Variants in CS observed in about 807,000 individuals in gnomAD.
The protein encoded by CS is citrate synthase, also known as citrate synthase, mitochondrial.
A neutral mutation model predicts 61.4 loss-of-function variants in CS; 13 were observed. The observed-to-expected ratio is 0.21, with a 90% CI of 0.14 to 0.34. The LOEUF (loss-of-function observed/expected upper bound fraction) is 0.34. Ranked by LOEUF, CS falls within the 10% of genes least tolerant of loss-of-function variation. The pLI is 1.00. For missense variants in CS, 278 were observed against 573.4 expected, an observed-to-expected ratio of 0.48 and a Z score of 5.26; for synonymous variants, 159 against 215.2, an observed-to-expected ratio of 0.74 and a Z score of 2.29.
At chr12:56,290,028 G>A (rs1873067892) in intron 1 of CS, among the ~76,000 whole-genome samples, 1 of 150,500 alleles carries the variant, frequency 6.6e-6, no homozygotes, top group Non-Finnish European at 1.5e-5. Context: ...CGAGTAGCCA[G>A]GACTACACGC....
chr12:56,279,980 AAAAC>A (rs1006953845), intron 6 of CS, among the ~76,000 whole-genome samples: 18 of 151,636 alleles, frequency 1.2e-4, no homozygotes, highest in African/African-American at 3.4e-4. Context: ...AAAACAAAAC[AAAAC>A]AAACAAACAA....
chr12:56,280,596 T>G (rs1872753155), intron 6 of CS, among the ~76,000 whole-genome samples: 1 of 151,698 alleles, frequency 6.6e-6, no homozygotes, highest in Non-Finnish European at 1.5e-5. Flanking sequence ...CACTGCATCC[T>G]GGCCTGGGTG....
chr12:56,280,545 T>C (rs1410004225), intron 6 of CS, among the ~76,000 whole-genome samples: 1 of 151,864 alleles, frequency 6.6e-6, no homozygotes, highest in Non-Finnish European at 1.5e-5. Context: ...GAGGATCACT[T>C]GAGTCCAGGA....
intron 6 of CS, among the ~76,000 whole-genome samples, chr12:56,280,881 C>T (rs1452481575): frequency 7.9e-5 from 12 of 152,096 alleles, no homozygotes; most frequent in Non-Finnish European, 2.9e-5. Flanking sequence ...GTATATTTTG[C>T]ATCATTCTGA....
At chr12:56,297,198 C>T (rs1277661635) in intron 1 of CS, among the ~76,000 whole-genome samples, 1 of 152,180 alleles carries the variant, frequency 6.6e-6, no homozygotes, top group Non-Finnish European at 1.5e-5. Flanking sequence ...AGCATGTTGA[C>T]TTCAAAAGTC....
chr12:56,279,420 C>G (rs1240257049), intron 6 of CS, among the ~76,000 whole-genome samples: 3 of 152,108 alleles, frequency 2.0e-5, no homozygotes, highest in Non-Finnish European at 4.4e-5. Flanking sequence ...AGGCAGATCA[C>G]AAGGTCAGGA....
chr12:56,285,829 C>T, intron 3 of CS, 87 bp downstream of exon 3: 1 of 1,097,216 alleles, frequency 9.1e-7, no homozygotes, highest in Non-Finnish European at 1.4e-6. Flanking sequence ...GGACAGAATG[C>T]TTTTGAATAG....
chr12:56,289,421 T>C (rs1592412085), intron 1 of CS, among the ~76,000 whole-genome samples: 1 of 148,874 alleles, frequency 6.7e-6, no homozygotes, highest in South Asian at 2.3e-4. Flanking sequence ...TTTGCTGTGG[T>C]GATTTTTTTT....
Position 56,273,023 on chromosome 12 carries a change from A to C in CS, c.*61T>G, listed in dbSNP as rs1872551021. 4 of 1,343,200 alleles carry C rather than the reference A, an allele frequency of 3.0e-6. No homozygotes were observed. The highest frequency in any genetic ancestry group is 4.1e-6 in the Non-Finnish European group (4 of 974,268). 83.2% of individuals were successfully genotyped at this position (1,343,200 alleles called of 1,614,324 possible). A position where few individuals can be genotyped will look rare whatever the true frequency, so the allele number is the denominator to read the frequency against. ...GTCTTTAAAGGCCCCCTGAAACAAA[A>C]GTATACTTTTTATTTAGGCTTCCTC... On this transcript the variant is annotated 3_prime_UTR_variant, in exon 11 of 11. Coordinates refer to ENST00000351328, the MANE Select transcript of CS (RefSeq NM_004077.3).
At position 56,297,997 on chromosome 12, in the gene CS, C is replaced by G. The variant is rs958873100; in HGVS notation, c.42+2163G>C. Among the ~76,000 whole-genome samples the G allele has an allele frequency of 2.0e-5, 3 of 151,980 alleles. No individual in the cohort carries two copies. The East Asian group carries it at 5.8e-4, about 29-fold the overall frequency. On this transcript the variant is annotated intron_variant, in intron 1 of 10. Coordinates refer to ENST00000351328, the MANE Select transcript of CS (RefSeq NM_004077.3). ...CATTATTGGGCTTTGCTACCCCCCCCGCCCTTTTTTTTCTCTTTGAAACGG... is the reference window on the plus strand; with the variant it reads ...CATTATTGGGCTTTGCTACCCCCCCGGCCCTTTTTTTTCTCTTTGAAACGG...
chr12:56,291,234 A>G (rs1326537067), intron 1 of CS: 5 of 1,154,918 alleles, frequency 4.3e-6, no homozygotes, highest in Non-Finnish European at 5.4e-6. Flanking sequence ...AAGTGTCAGA[A>G]CTTCCTGGGA....
intron 6 of CS, among the ~76,000 whole-genome samples, chr12:56,278,975 A>C (rs71459358): frequency 6.6e-6 from 1 of 151,924 alleles, no homozygotes; most frequent in East Asian, 2.0e-4. Flanking sequence ...GGGTTTCGCC[A>C]TGTTGGCCAG....
Position 56,272,321 on chromosome 12 carries a change from C to T in CS, c.*763G>A, listed in dbSNP as rs1872537527. The T allele has an allele frequency of 5.9e-6, 1 of 169,106 alleles. No homozygotes were observed. The highest frequency in any genetic ancestry group is 1.3e-4 in the South Asian group (1 of 7,434). The allele number at this position is 169,106 out of a possible 1,614,324, so 10.5% of individuals were successfully genotyped here. A position where few individuals can be genotyped will look rare whatever the true frequency, so the allele number is the denominator to read the frequency against. ...TGATAAAACCCAATGACTGGGCCCA[C>T]AGATCTGTTGAGAGGTCTCTAGTAG... On this transcript the variant is annotated 3_prime_UTR_variant, in exon 11 of 11. Coordinates refer to ENST00000351328, the MANE Select transcript of CS (RefSeq NM_004077.3).
At chr12:56,280,359 G>A (rs1054517180) in intron 6 of CS, among the ~76,000 whole-genome samples, 2 of 146,504 alleles carry the variant, frequency 1.4e-5, no homozygotes, top group Admixed American at 7.2e-5. Context: ...AGGTTGCAGT[G>A]AGCTGAGATC....
intron 3 of CS, among the ~76,000 whole-genome samples, chr12:56,284,319 C>CAAAAAAAAAAACAAAAAAAAA (rs1872864730): frequency 1.4e-5 from 1 of 73,362 alleles, no homozygotes; most frequent in Non-Finnish European, 2.7e-5. Flanking sequence ...AACTCCATCT[C>CAAAAAAAAAAACAAAAAAAAA]AAAAAAAAAA....
In CS at chr12:56,300,220, T is replaced by C. The variant is rs1873447520; in HGVS notation, c.-19A>G. On this transcript the variant is annotated 5_prime_UTR_variant, in exon 1 of 11. Transcript: ENST00000351328. ...AAGCCATGGCGGGCGATCTCCGGGA[T>C]CTGGTGGGGAGGTAAGAAAGGGAGA... 4.5e-6 allele frequency: 7 copies of C among 1,555,946 alleles called. No homozygotes were observed. The East Asian group carries it at 1.5e-4, about 33-fold the overall frequency.
chr12:56,285,281 C>T (rs1872908412), intron 3 of CS: 1 of 445,150 alleles, frequency 2.2e-6, no homozygotes, highest in Non-Finnish European at 4.5e-6. Flanking sequence ...AAATCACTAT[C>T]TTTCTTTTTG....
chr12:56,280,763 GACCTTTTGT>G (rs1430133412), intron 6 of CS, among the ~76,000 whole-genome samples: 12 of 151,956 alleles, frequency 7.9e-5, no homozygotes, highest in Admixed American at 3.3e-4. Context: ...AAGATTATAT[GACCTTTTGT>G]ACCTGCTAAT....
intron 7 of CS, chr12:56,275,739 C>T (rs1872609143): frequency 3.9e-6 from 2 of 517,984 alleles, no homozygotes; most frequent in Middle Eastern, 1.0e-3. Context: ...AGCTGAAGGA[C>T]CATCTAATGT....
Sources: gnomAD v4.1 joint callset for allele counts (sites outside exome capture counted in the v4.1 genomes callset) on GRCh38, gnomAD v4.1.1 for gene constraint, MANE v1.5 for transcripts, NCBI Gene and HGNC (gene_info 2026-07-23, HGNC 2026-07-21) for gene names.